HTR3B: variants seen among roughly 807,000 people sequenced by gnomAD.
HTR3B encodes the protein 5-hydroxytryptamine (serotonin) receptor 3B, ionotropic.
A neutral mutation model predicts 42.8 loss-of-function variants in HTR3B; 44 were observed. The ratio of observed to expected loss-of-function variants is 1.03; its 90% CI spans 0.81 to 1.32. HTR3B has a LOEUF of 1.32. HTR3B is among the 40% of genes most tolerant of loss of function. The pLI is 0.00. For missense variants in HTR3B, 527 were observed against 536.5 expected (o/e 0.98, Z 0.17); for synonymous variants, 203 against 209.0 (o/e 0.97, Z 0.25).
At chr11:113,910,499 G>A (rs1319355749) in intron 2 of HTR3B, among the ~76,000 whole-genome samples, 2 of 149,650 alleles carry the variant, frequency 1.3e-5, no homozygotes, top group African/African-American at 4.9e-5. Flanking sequence ...GGAGTCCAAT[G>A]GCACGATCTC....
chr11:113,918,075 G>A (rs536826412), intron 2 of HTR3B, among the ~76,000 whole-genome samples: 25 of 152,058 alleles, frequency 1.6e-4, no homozygotes, highest in African/African-American at 5.8e-4. Context: ...TGTATTTGAA[G>A]TCATTTCTTA....
At chr11:113,943,339 C>T (rs1448774644) in intron 7 of HTR3B, 147 bp downstream of exon 7, 3 of 682,610 alleles carry the variant, frequency 4.4e-6, no homozygotes, top group Admixed American at 4.6e-5. Flanking sequence ...GAGTTCAAGA[C>T]CAGCCTAGGC....
chr11:113,934,457 G>A (rs1950070474), intron 6 of HTR3B, among the ~76,000 whole-genome samples: 1 of 151,496 alleles, frequency 6.6e-6, no homozygotes, highest in South Asian at 2.1e-4. Flanking sequence ...AAGAAAGAAG[G>A]AAAGAAAGAA....
intron 2 of HTR3B, among the ~76,000 whole-genome samples, chr11:113,914,168 T>C (rs1212904146): frequency 6.6e-6 from 1 of 152,126 alleles, no homozygotes; most frequent in African/African-American, 2.4e-5. Flanking sequence ...AAAAATGTTT[T>C]AAAAATTAAA....
rs1950054399 is a variant in HTR3B, at chr11:113,933,106, C to T, written c.696+13C>T. On this transcript the variant is annotated intron_variant, in intron 6 of 8. Transcript: ENST00000260191. ...GATTCAGTTTAATGTAGGTTCTTTACTACCTGTCCCCGTTGCCCGCTTCTC... is the reference window on the plus strand; with the variant it reads ...GATTCAGTTTAATGTAGGTTCTTTATTACCTGTCCCCGTTGCCCGCTTCTC... 6.2e-7 allele frequency: 1 copy of T among 1,607,112 alleles called. No individual in the cohort carries two copies. The highest frequency in any genetic ancestry group is 1.7e-5 in the Admixed American group (1 of 59,606).
chr11:113,933,266 G>T (rs983618186), intron 6 of HTR3B, among the ~76,000 whole-genome samples, 173 bp downstream of exon 6: 3 of 152,152 alleles, frequency 2.0e-5, no homozygotes, highest in Non-Finnish European at 4.4e-5. Flanking sequence ...CAGAGCAGAG[G>T]TTCAGTGGGA....
intron 2 of HTR3B, among the ~76,000 whole-genome samples, chr11:113,928,192 GC>G (rs1949995858): frequency 6.6e-6 from 1 of 152,158 alleles, no homozygotes; most frequent in Non-Finnish European, 1.5e-5. Flanking sequence ...CTCCATCCAT[GC>G]CCCTGCAAAG....
chr11:113,931,037 T>C (rs1219653354), intron 2 of HTR3B, among the ~76,000 whole-genome samples: 2 of 152,220 alleles, frequency 1.3e-5, no homozygotes, highest in Non-Finnish European at 2.9e-5. Flanking sequence ...CAAAGCTTGG[T>C]CTCATCTTTT....
At chr11:113,905,087 G>A in intron 1 of HTR3B, 102 bp downstream of exon 1, 1 of 785,642 alleles carries the variant, frequency 1.3e-6, no homozygotes, top group East Asian at 2.7e-5. Flanking sequence ...AGGCATGTTT[G>A]TTTTTATTCA....
At chr11:113,915,284 G>A (rs886798815) in intron 2 of HTR3B, among the ~76,000 whole-genome samples, 1 of 151,902 alleles carries the variant, frequency 6.6e-6, no homozygotes, top group Non-Finnish European at 1.5e-5. Context: ...GCTTACTGCA[G>A]CCTCAACCTC....
intron 6 of HTR3B, among the ~76,000 whole-genome samples, chr11:113,936,069 C>A (rs896707250): frequency 1.3e-5 from 2 of 152,156 alleles, no homozygotes; most frequent in African/African-American, 4.8e-5. Flanking sequence ...ACAAAGATGT[C>A]TGTGTACAGC....
At chr11:113,919,314 A>G (rs544247161) in intron 2 of HTR3B, among the ~76,000 whole-genome samples, 101 of 152,292 alleles carry the variant, frequency 6.6e-4, no homozygotes, top group Admixed American at 4.9e-3. Flanking sequence ...TGCTACTTTT[A>G]TCTTCAATTT....
At chr11:113,909,522 G>A (rs1229352590) in intron 2 of HTR3B, 67 bp downstream of exon 2, 35 of 1,261,158 alleles carry the variant, frequency 2.8e-5, no homozygotes, top group Non-Finnish European at 3.7e-5. Context: ...GTTCATGCAG[G>A]AGCCTATGAG....
At chr11:113,941,387 G>C (rs1212189131) in intron 6 of HTR3B, among the ~76,000 whole-genome samples, 5 of 152,216 alleles carry the variant, frequency 3.3e-5, no homozygotes, top group Admixed American at 3.3e-4. Context: ...CTTTAGGAAG[G>C]ATGAGAATGG....
chr11:113,926,153 T>C (rs996122554), intron 2 of HTR3B, among the ~76,000 whole-genome samples: 4 of 152,214 alleles, frequency 2.6e-5, no homozygotes, highest in Admixed American at 2.0e-4. Flanking sequence ...TTCTTTCACT[T>C]AGCATGCTTT....
intron 4 of HTR3B, 66 bp downstream of exon 4, chr11:113,931,933 T>C (rs1306504092): frequency 1.1e-6 from 1 of 910,008 alleles, no homozygotes; most frequent in Non-Finnish European, 1.9e-6. Context: ...CAGTTGCTGC[T>C]TACTTTCAGT....
chr11:113,918,612 T>C (rs934082463), intron 2 of HTR3B, among the ~76,000 whole-genome samples: 2 of 149,658 alleles, frequency 1.3e-5, no homozygotes, highest in Non-Finnish European at 3.0e-5. Flanking sequence ...CTGAATACTA[T>C]TCCAGGTTAG....
intron 6 of HTR3B, among the ~76,000 whole-genome samples, chr11:113,941,098 A>G (rs973196444): frequency 6.6e-6 from 1 of 152,154 alleles, no homozygotes; most frequent in Non-Finnish European, 1.5e-5. Context: ...AATAAATCAC[A>G]CCATATGTGT....
At chr11:113,917,193 C>T (rs980963159) in intron 2 of HTR3B, among the ~76,000 whole-genome samples, 4 of 150,504 alleles carry the variant, frequency 2.7e-5, no homozygotes, top group African/African-American at 7.3e-5. Context: ...AGTGCAGTGG[C>T]GCAATCTCAG....
Sources: allele counts gnomAD v4.1 joint callset (sites outside exome capture counted in the v4.1 genomes callset), GRCh38; gene constraint gnomAD v4.1.1; transcripts MANE v1.5; gene names NCBI Gene and HGNC (gene_info 2026-07-23, HGNC 2026-07-21).